The following UST variants were observed in gnomAD, a reference collection of about 807,000 sequenced individuals.
The protein encoded by UST is uronyl 2-sulfotransferase.
Under a neutral mutation model 45.6 loss-of-function variants are expected in UST, and 21 were observed. That is an observed-to-expected ratio of 0.46 (90% confidence interval 0.33 to 0.66). The LOEUF is 0.66. UST is among the 30% of genes least tolerant of loss of function. UST has a pLI of 0.02. For synonymous variants in UST, 215 were observed against 200.6 expected (o/e 1.07, Z -0.61); for missense variants, 463 against 512.4 (o/e 0.90, Z 0.93).
chr6:148,809,237 G>C (rs1295275075), intron 1 of UST, among the ~76,000 whole-genome samples: 2 of 152,214 alleles, frequency 1.3e-5, no homozygotes, highest in African/African-American at 4.8e-5. Flanking sequence ...AGGCAGTAGG[G>C]ACAGACTTCT....
intron 2 of UST, among the ~76,000 whole-genome samples, chr6:148,931,572 A>G (rs1562303936): frequency 6.6e-6 from 1 of 152,242 alleles, no homozygotes; most frequent in Admixed American, 6.5e-5. Context: ...CTAATTTGAG[A>G]ACCCTCCTAC....
intron 1 of UST, among the ~76,000 whole-genome samples, chr6:148,796,756 C>T (rs983118139): frequency 6.6e-6 from 1 of 151,154 alleles, no homozygotes; most frequent in Admixed American, 6.6e-5. Context: ...TCTCTTCATG[C>T]CGCAGTGTTG....
chr6:148,887,134 C>G, intron 2 of UST, 105 bp downstream of exon 2: 1 of 854,308 alleles, frequency 1.2e-6, no homozygotes, highest in East Asian at 2.5e-5. Flanking sequence ...TCACAAGAAA[C>G]AGTAGATGAC....
At chr6:148,911,632 G>C (rs1352660275) in intron 2 of UST, among the ~76,000 whole-genome samples, 1 of 151,440 alleles carries the variant, frequency 6.6e-6, no homozygotes, top group Non-Finnish European at 1.5e-5. Flanking sequence ...TTGGCTTTCA[G>C]GACAAATAGC....
At chr6:149,058,891 G>A (rs1266335071) in intron 7 of UST, among the ~76,000 whole-genome samples, 1 of 152,048 alleles carries the variant, frequency 6.6e-6, no homozygotes, top group Non-Finnish European at 1.5e-5. Flanking sequence ...ACTGTGCTGA[G>A]GAAAACACAC....
At chr6:148,767,795 A>C (rs796183036) in intron 1 of UST, among the ~76,000 whole-genome samples, 85 of 152,352 alleles carry the variant, frequency 5.6e-4, no homozygotes, top group African/African-American at 1.9e-3. Context: ...CTTTGGTTAC[A>C]TGCTTCCTCC....
chr6:148,878,268 GTGTATGAGTACGGGGGATCA>G (rs1452464039), intron 1 of UST, among the ~76,000 whole-genome samples: 1 of 77,994 alleles, frequency 1.3e-5, no homozygotes, highest in African/African-American at 5.6e-5. Flanking sequence ...TGCGGAGATC[GTGTATGAGTACGGGGGATCA>G]TGTATGAGTG....
At chr6:148,866,866 A>G (rs1778442493) in intron 1 of UST, among the ~76,000 whole-genome samples, 1 of 147,832 alleles carries the variant, frequency 6.8e-6, no homozygotes, top group African/African-American at 2.5e-5. Flanking sequence ...CCTTCCTTTG[A>G]TTTATCTTTT....
intron 7 of UST, among the ~76,000 whole-genome samples, chr6:149,036,606 G>C (rs1317382293): frequency 6.6e-6 from 1 of 152,204 alleles, no homozygotes; most frequent in East Asian, 1.9e-4. Context: ...TGCCAGCTTT[G>C]TGTTTACCGT....
intron 2 of UST, among the ~76,000 whole-genome samples, chr6:148,940,986 G>A (rs530084331): frequency 6.6e-6 from 1 of 152,246 alleles, no homozygotes; most frequent in South Asian, 2.1e-4. Flanking sequence ...ACATATTTAT[G>A]TATTTTGTTT....
chr6:149,013,918 C>T (rs1001199137), intron 5 of UST, among the ~76,000 whole-genome samples: 3 of 152,170 alleles, frequency 2.0e-5, no homozygotes, highest in East Asian at 1.9e-4. Context: ...AAATATGAAT[C>T]GTCTCTAAAT....
At chr6:148,831,282 C>G (rs1376772722) in intron 1 of UST, among the ~76,000 whole-genome samples, 1 of 152,158 alleles carries the variant, frequency 6.6e-6, no homozygotes, top group East Asian at 1.9e-4. Context: ...TGAAAAAATT[C>G]AGGTGCAGAG....
intron 2 of UST, among the ~76,000 whole-genome samples, chr6:148,891,910 C>G (rs983315949): frequency 6.6e-6 from 1 of 152,172 alleles, no homozygotes; most frequent in Non-Finnish European, 1.5e-5. Flanking sequence ...CTACCTTCAG[C>G]ACCTGAACGT....
chr6:149,011,236 C>T (rs1008013680), intron 5 of UST, among the ~76,000 whole-genome samples: 17 of 152,046 alleles, frequency 1.1e-4, no homozygotes, highest in African/African-American at 3.6e-4. Flanking sequence ...TGCAAGTTCT[C>T]ATTTATTTGT....
intron 1 of UST, among the ~76,000 whole-genome samples, chr6:148,831,948 CAATGGGTCT>C (rs1319791465): frequency 6.6e-6 from 1 of 152,174 alleles, no homozygotes; most frequent in African/African-American, 2.4e-5. Flanking sequence ...TGATGATAAA[CAATGGGTCT>C]AATACTTGTA....
intron 1 of UST, among the ~76,000 whole-genome samples, chr6:148,848,034 T>A (rs996301537): frequency 6.6e-6 from 1 of 152,188 alleles, no homozygotes; most frequent in African/African-American, 2.4e-5. Flanking sequence ...TCAGCAAATT[T>A]GCTTATCTGG....
intron 7 of UST, among the ~76,000 whole-genome samples, chr6:149,049,114 AT>A (rs1469020183): frequency 6.6e-6 from 1 of 152,172 alleles, no homozygotes; most frequent in Non-Finnish European, 1.5e-5. Context: ...AATGTAAGTG[AT>A]TCTTTGATTT....
Position 149,009,695 on chromosome 6 carries a change from C to T in UST, c.682-9444C>T, listed in dbSNP as rs141609283. ...TACTTGAGGAATTACTTCAGCAAAA[C>T]GAGGGAGTAAAACAAGCAAGTCAGA... On this transcript the variant is annotated intron_variant, in intron 5 of 7. Transcript: ENST00000367463. Among the ~76,000 whole-genome samples, 289 of 152,106 alleles carry T rather than the reference C, an allele frequency of 1.9e-3. 1 individual carries two copies. The highest frequency in any genetic ancestry group is 6.6e-3 in the African/African-American group (273 of 41,482).
intron 1 of UST, among the ~76,000 whole-genome samples, chr6:148,819,933 T>G (rs1310496122): frequency 6.6e-6 from 1 of 152,234 alleles, no homozygotes; most frequent in Non-Finnish European, 1.5e-5. Flanking sequence ...CCCTTCAGCT[T>G]TTTCCACGAG....
Sources: allele counts gnomAD v4.1 joint callset (sites outside exome capture counted in the v4.1 genomes callset), GRCh38; gene constraint gnomAD v4.1.1; transcripts MANE v1.5; gene names NCBI Gene and HGNC (gene_info 2026-07-23, HGNC 2026-07-21).